The following ZFP64 variants were observed in gnomAD, a reference collection of about 807,000 sequenced individuals.
The protein encoded by ZFP64 is ZFP64 zinc finger protein.
Under a neutral mutation model 51.6 loss-of-function variants are expected in ZFP64, and 14 were observed. That is an observed-to-expected ratio of 0.27 (90% CI 0.18 to 0.42). ZFP64 has a LOEUF of 0.42. Ranked by LOEUF, ZFP64 falls within the 10% of genes least tolerant of loss-of-function variation. ZFP64 has a pLI of 1.00. For synonymous variants in ZFP64, 375 were observed against 361.4 expected (o/e 1.04, Z -0.43); for missense variants, 754 against 906.8 (o/e 0.83, Z 2.16).
downstream of ZFP64, among the ~76,000 whole-genome samples, chr20:52,151,055 G>T (rs1218229637): frequency 6.6e-6 from 1 of 152,150 alleles, no homozygotes; most frequent in African/African-American, 2.4e-5. Flanking sequence ...GAAATGCCAG[G>T]ATTGTCAGTC....
At chr20:52,093,673 C>G (rs573110419) in intron 7 of ZFP64, among the ~76,000 whole-genome samples, 16 of 152,204 alleles carry the variant, frequency 1.1e-4, no homozygotes, top group Non-Finnish European at 1.6e-4. Context: ...ATCACTTATG[C>G]TCACTTTTGC....
In ZFP64 at chr20:52,160,362, T is replaced by C. The variant is rs765654763; in HGVS notation, c.524A>G (p.His175Arg). Residue 175 changes from histidine (H) to arginine (R), a missense_variant, in exon 5 of 6, where the codon CAT becomes CGT. Physicochemically the swap from His to Arg is conservative, Grantham distance 29. Around this residue, in one of 3 missense-constraint regions of ZFP64, gnomAD observed 231 missense variants for 336.7 expected, o/e 0.69. Coordinates refer to ENST00000216923, the MANE Select transcript of ZFP64 (RefSeq NM_018197.3). This position sits in a 1 kb window ranked among gnomAD's most constrained non-coding sequence, Gnocchi z 4.2. ...HLKIHTGDKP[H>R]KCEVCGKCFS... is the part of the protein sequence containing the mutation. ...GCACTTGCCACAGACTTCACACTTATGGGGTTTGTCTCCTTCAAACACATA... is the reference window on the plus strand; with the variant it reads ...GCACTTGCCACAGACTTCACACTTACGGGGTTTGTCTCCTTCAAACACATA... The C allele has an allele frequency of 8.1e-6, 13 of 1,613,312 alleles. No individual in the cohort carries two copies. Among genetic ancestry groups the C allele is most frequent in the Admixed American group, 1.7e-5 (1 of 59,950 alleles).
chr20:52,122,061 A>G (rs1469628017), intron 5 of ZFP64, among the ~76,000 whole-genome samples: 1 of 152,160 alleles, frequency 6.6e-6, no homozygotes, highest in East Asian at 1.9e-4. Flanking sequence ...AGAAAACAAA[A>G]TTTCTTTCAA....
Position 52,151,884 on chromosome 20 carries a change from A to G in ZFP64, c.*262T>C. ...AAACCCCGTCTCTACTAAATATACA[A>G]AAATTAGCCAGTCATGATGTCGTAC... On this transcript the variant is annotated 3_prime_UTR_variant, in exon 6 of 6. Transcript: ENST00000216923. 1.0e-6 allele frequency: 1 copy of G among 988,782 alleles called. No homozygotes were observed. Among genetic ancestry groups the G allele is most frequent in the Non-Finnish European group, 1.3e-6 (1 of 752,546 alleles). The allele number at this position is 988,782 out of a possible 1,614,324, so 61.3% of individuals were successfully genotyped here.
intron 2 of ZFP64, among the ~76,000 whole-genome samples, chr20:52,173,181 A>G (rs1032772325): frequency 1.3e-5 from 2 of 152,206 alleles, no homozygotes; most frequent in African/African-American, 4.8e-5. Context: ...CTTCAACTTA[A>G]AAATTCCATT....
chr20:52,097,242 C>T, intron 7 of ZFP64: 1 of 1,106,106 alleles, frequency 9.0e-7, no homozygotes, highest in Non-Finnish European at 1.4e-6. Flanking sequence ...CTCCCAAGCC[C>T]ACCCCACTAG....
At position 52,085,060 on chromosome 20, in the gene ZFP64, G is replaced by C. The variant is rs371226164; in HGVS notation, c.1435C>G (p.Arg479Gly). ...CGGCTGTGCTCCAGGAGGTCAGCCC[G>C]GTCCCGGCCCTGGAAGGCACAGTGC... The change falls in exon 9 of 9, where the codon CGG (arginine) becomes GGG (glycine). Residue 479 changes from arginine (R) to glycine (G), a missense_variant. Physicochemically the swap from Arg to Gly is moderately radical, Grantham distance 125. Transcript: ENST00000361387. The surrounding 1 kb of genome is among the most constrained non-coding windows in gnomAD (Gnocchi z 4.3). 5.1e-5 allele frequency: 82 copies of C among 1,614,074 alleles called. 1 individual carries two copies. Among genetic ancestry groups the C allele is most frequent in the Admixed American group, 5.0e-5 (3 of 60,016 alleles).
chr20:52,159,324 T>C (rs565148239), intron 5 of ZFP64, among the ~76,000 whole-genome samples: 30 of 152,362 alleles, frequency 2.0e-4, no homozygotes, highest in African/African-American at 7.0e-4. Context: ...AGCTGTTCCA[T>C]GCTGAACTAG....
intron 7 of ZFP64, among the ~76,000 whole-genome samples, chr20:52,093,313 G>T (rs2078949108): frequency 6.6e-6 from 1 of 152,008 alleles, no homozygotes; most frequent in Admixed American, 6.6e-5. Flanking sequence ...GCTAATATTT[G>T]TATTTTTAGT....
intron 5 of ZFP64, among the ~76,000 whole-genome samples, chr20:52,119,615 A>G (rs1032016791): frequency 1.3e-5 from 2 of 149,214 alleles, no homozygotes; most frequent in African/African-American, 4.9e-5. Flanking sequence ...ACACAAAAAA[A>G]TTAGTCAGGC....
At chr20:52,134,284 C>T (rs971189703) in intron 5 of ZFP64, among the ~76,000 whole-genome samples, 4 of 152,198 alleles carry the variant, frequency 2.6e-5, no homozygotes, top group Non-Finnish European at 5.9e-5. Context: ...TGCCTCTCTG[C>T]TAAATTTCTC....
Position 52,153,296 on chromosome 20 carries a change from T to C in ZFP64, c.896A>G (p.Lys299Arg), listed in dbSNP as rs1428304775. 1.2e-6 allele frequency: 2 copies of C among 1,614,088 alleles called. No homozygotes were observed. Among genetic ancestry groups the C allele is most frequent in the Admixed American group, 1.7e-5 (1 of 60,004 alleles). ...ACGGATGTGCGACTTGAGGTTCCCC[T>C]TCATGGTGCAGCGGACATTGCAGAA... ...CEFCNVRCTM[K>R]GNLKSHIRIK... The change falls in exon 6 of 6, where the codon AAG becomes AGG. Residue 299 changes from lysine (K) to arginine (R), a missense_variant. Around this residue, in one of 3 missense-constraint regions of ZFP64, gnomAD observed 231 missense variants for 336.7 expected, o/e 0.69. Coordinates refer to ENST00000216923, the MANE Select transcript of ZFP64 (RefSeq NM_018197.3). The surrounding 1 kb of genome is among the most constrained non-coding windows in gnomAD (Gnocchi z 5.1).
At chr20:52,109,780 CAAA>C (rs779914417) in intron 5 of ZFP64, among the ~76,000 whole-genome samples, 4 of 46,124 alleles carry the variant, frequency 8.7e-5, no homozygotes, top group Non-Finnish European at 1.4e-4. Flanking sequence ...AATTCCACCT[CAAA>C]AAAAAAAAAA....
At chr20:52,185,603 G>A (rs150534525) in intron 2 of ZFP64, among the ~76,000 whole-genome samples, 1,277 of 120,640 alleles carry the variant, frequency 0.011, 14 homozygotes, top group Non-Finnish European at 0.015. Flanking sequence ...TTTTTGAGAC[G>A]AAGTCTGGCT....
intron 2 of ZFP64, among the ~76,000 whole-genome samples, chr20:52,171,398 CGTATGT>C (rs1403064185): frequency 6.6e-6 from 1 of 150,580 alleles, no homozygotes. Context: ...TATGCGTATG[CGTATGT>C]GTATGCGTAT....
chr20:52,144,448 C>T (rs566935870), intron 5 of ZFP64, among the ~76,000 whole-genome samples: 11 of 151,092 alleles, frequency 7.3e-5, no homozygotes, highest in East Asian at 4.0e-4. Flanking sequence ...GGTGTGGTAG[C>T]GTGCACCTGT....
At position 52,165,319 on chromosome 20, in the gene ZFP64, A is replaced by G. The variant is rs190031376; in HGVS notation, c.448+545T>C. The G allele has an allele frequency of 4.2e-5, 19 of 456,320 alleles. No homozygotes were observed. In the East Asian group the frequency reaches 1.3e-3, roughly 32 times the overall value. 28.3% of individuals were successfully genotyped at this position (456,320 alleles called of 1,614,324 possible). A position where few individuals can be genotyped will look rare whatever the true frequency, so the allele number is the denominator to read the frequency against. On this transcript the variant is annotated intron_variant, in intron 3 of 5. Transcript: ENST00000216923. ...ATATTCTGGTTTTTAGGAAATACACACTGAAGTATTTAGGAATAAAGGGGC... is the reference window on the plus strand; with the variant it reads ...ATATTCTGGTTTTTAGGAAATACACGCTGAAGTATTTAGGAATAAAGGGGC...
At chr20:52,174,686 T>C (rs1983041549) in intron 2 of ZFP64, among the ~76,000 whole-genome samples, 1 of 152,170 alleles carries the variant, frequency 6.6e-6, no homozygotes. Context: ...TTTCCCTTTC[T>C]TGGACATGGA....
At chr20:52,095,113 C>T (rs1457800996) in intron 7 of ZFP64, among the ~76,000 whole-genome samples, 1 of 152,238 alleles carries the variant, frequency 6.6e-6, no homozygotes, top group East Asian at 1.9e-4. Context: ...AGAATCCCTG[C>T]CTCCCACTTA....
Sources: gnomAD v4.1 joint callset for allele counts (sites outside exome capture counted in the v4.1 genomes callset) on GRCh38, gnomAD v4.1.1 for gene constraint, gnomAD v4.1.1 regional missense constraint, Gnocchi (gnomAD v3.1) non-coding constraint, MANE v1.5 for transcripts, NCBI Gene and HGNC (gene_info 2026-07-23, HGNC 2026-07-21) for gene names.